The following COL13A1 variants were observed in gnomAD, a reference collection of about 807,000 sequenced individuals.
COL13A1 encodes the protein collagen alpha-1(XIII) chain.
COL13A1 carries 89 observed loss-of-function variants against 130.9 expected under a neutral mutation model. The observed-to-expected ratio is 0.68, with a 90% confidence interval of 0.57 to 0.81. The LOEUF (loss-of-function observed/expected upper bound fraction) is 0.81, where lower values mean the gene tolerates loss of function less well. COL13A1 is among the 30% of genes least tolerant of loss of function. COL13A1 has a pLI of 0.00. For synonymous variants in COL13A1, 402 were observed against 341.6 expected (o/e 1.18, Z -1.95); for missense variants, 879 against 934.6 (o/e 0.94, Z 0.78).
chr10:69,896,321 G>A (rs1265095356), intron 13 of COL13A1, among the ~76,000 whole-genome samples: 1 of 152,142 alleles, frequency 6.6e-6, no homozygotes. Flanking sequence ...CAGCAGGGTC[G>A]ATCTTGGGAC....
At chr10:69,907,261 G>T (rs1589435690) in intron 17 of COL13A1, among the ~76,000 whole-genome samples, 1 of 152,264 alleles carries the variant, frequency 6.6e-6, no homozygotes, top group Non-Finnish European at 1.5e-5. Context: ...CTGTGAGGCT[G>T]GTATGACTAT....
At chr10:69,883,494 G>A (rs925698067) in intron 7 of COL13A1, among the ~76,000 whole-genome samples, 4 of 152,196 alleles carry the variant, frequency 2.6e-5, no homozygotes, top group Non-Finnish European at 5.9e-5. Context: ...TAGGTGCTGC[G>A]TAGAAACCTG....
At position 69,817,196 on chromosome 10, in the gene COL13A1, G is replaced by A. The variant is rs139267468; in HGVS notation, c.295-5173G>A. Reference sequence around the variant, plus strand: ...ATATTTATGTTTGCCGGCCCCTGATGTAAATGATCCAATCTAGAGGAGGGG... The same window carrying A: ...ATATTTATGTTTGCCGGCCCCTGATATAAATGATCCAATCTAGAGGAGGGG... On this transcript the variant is annotated intron_variant, in intron 1 of 40. Transcript: ENST00000645393. Among the ~76,000 whole-genome samples, 861 of 152,166 alleles carry A rather than the reference G, an allele frequency of 5.7e-3. 12 individuals are homozygous for A. Among genetic ancestry groups the A allele is most frequent in the African/African-American group, 0.02 (848 of 41,508 alleles).
chr10:69,810,295 C>T (rs997141096), intron 1 of COL13A1, among the ~76,000 whole-genome samples: 1 of 151,028 alleles, frequency 6.6e-6, no homozygotes, highest in Non-Finnish European at 1.5e-5. Context: ...AAGTGTCTAA[C>T]GAGCTCCTCG....
At chr10:69,878,485 T>G (rs2134253071) in intron 6 of COL13A1, among the ~76,000 whole-genome samples, 1 of 147,734 alleles carries the variant, frequency 6.8e-6, no homozygotes, top group East Asian at 2.1e-4. Context: ...AGAGCAACAC[T>G]TCTTTTTTTT....
intron 38 of COL13A1, among the ~76,000 whole-genome samples, chr10:69,950,845 T>TTTTG (rs763368223): frequency 4.6e-4 from 70 of 152,212 alleles, no homozygotes; most frequent in South Asian, 8.3e-4. Flanking sequence ...AAAAATATTA[T>TTTTG]TTTGTTTGTT....
chr10:69,814,078 C>G (rs1450878194), intron 1 of COL13A1, among the ~76,000 whole-genome samples: 1 of 152,252 alleles, frequency 6.6e-6, no homozygotes, highest in Non-Finnish European at 1.5e-5. Context: ...GGGCAGCCAG[C>G]CCAGCAGCAG....
intron 25 of COL13A1, 79 bp downstream of exon 25, chr10:69,925,086 A>C (rs1306652693): frequency 7.3e-7 from 1 of 1,378,862 alleles, no homozygotes; most frequent in African/African-American, 1.5e-5. Context: ...GTCTCAATTA[A>C]TATTTAGAAG....
chr10:69,942,566 T>C (rs1005464540), intron 35 of COL13A1, among the ~76,000 whole-genome samples: 1 of 151,746 alleles, frequency 6.6e-6, no homozygotes, highest in Non-Finnish European at 1.5e-5. Context: ...AAAATCAGTA[T>C]CCTAACTTTA....
At chr10:69,826,983 T>C (rs1847654983) in intron 2 of COL13A1, among the ~76,000 whole-genome samples, 1 of 152,234 alleles carries the variant, frequency 6.6e-6, no homozygotes, top group Admixed American at 6.5e-5. Flanking sequence ...CTTAGTCACG[T>C]GGTTACCCCC....
At chr10:69,837,900 C>A (rs1193611432) in intron 2 of COL13A1, among the ~76,000 whole-genome samples, 1 of 152,210 alleles carries the variant, frequency 6.6e-6, no homozygotes, top group East Asian at 1.9e-4. Context: ...GCTGGATGTT[C>A]CTCAGAGCAT....
chr10:69,920,079 G>A (rs1366683502), intron 21 of COL13A1, among the ~76,000 whole-genome samples: 1 of 152,194 alleles, frequency 6.6e-6, no homozygotes, highest in African/African-American at 2.4e-5. Context: ...GGCAGGACAG[G>A]GCAGCAGGGG....
At chr10:69,852,499 T>C (rs1490673015) in intron 2 of COL13A1, among the ~76,000 whole-genome samples, 1 of 152,272 alleles carries the variant, frequency 6.6e-6, no homozygotes, top group Non-Finnish European at 1.5e-5. Context: ...TGCTAGAAGA[T>C]GTCTTTTCTA....
In COL13A1 at chr10:69,921,919, G is replaced by C. The variant is rs1488606045; in HGVS notation, c.1127G>C (p.Gly376Ala). The C allele has an allele frequency of 6.2e-7, 1 of 1,606,078 alleles. No individual in the cohort carries two copies. The highest frequency in any genetic ancestry group is 1.3e-5 in the African/African-American group (1 of 74,786). Reference protein sequence around the residue: ...KGAEGSPGLPGLLGQKGEKGD... With the variant: ...KGAEGSPGLPALLGQKGEKGD... ...GCTGAAGGCTCCCCTGGGCTTCCTG[G>C]CCTCCTGGGGCAGAAGGTAGGTGTT... Residue 376 changes from glycine to alanine, a missense_variant, in exon 22 of 41, where the codon GGC becomes GCC. Physicochemically the swap from Gly to Ala is moderately conservative, Grantham distance 60 (BLOSUM62 0). Coordinates refer to ENST00000645393, the MANE Select transcript of COL13A1 (RefSeq NM_001368882.1).
intron 14 of COL13A1, among the ~76,000 whole-genome samples, 182 bp downstream of exon 14, chr10:69,898,944 C>T (rs1436767547): frequency 6.6e-6 from 1 of 152,224 alleles, no homozygotes; most frequent in Non-Finnish European, 1.5e-5. Context: ...AGACCCACAA[C>T]TACCACCACA....
At chr10:69,861,556 C>T (rs999746406) in intron 2 of COL13A1, among the ~76,000 whole-genome samples, 2 of 152,140 alleles carry the variant, frequency 1.3e-5, no homozygotes, top group African/African-American at 4.8e-5. Context: ...TCTCCACCTC[C>T]GTCTCTGCCA....
At chr10:69,919,634 T>C (rs956875342) in intron 20 of COL13A1, 31 bp from the exon 21 acceptor site, 8 of 398,664 alleles carry the variant, frequency 2.0e-5, no homozygotes, top group Non-Finnish European at 3.5e-5. Flanking sequence ...CCCCATCTTC[T>C]TATCAGTGAC....
At chr10:69,933,476 G>A (rs1020352559) in intron 31 of COL13A1, among the ~76,000 whole-genome samples, 1 of 152,176 alleles carries the variant, frequency 6.6e-6, no homozygotes. Context: ...GGAAAGCAAC[G>A]GAGATCAAGG....
intron 17 of COL13A1, among the ~76,000 whole-genome samples, chr10:69,909,068 G>A (rs1022778242): frequency 1.3e-5 from 2 of 152,066 alleles, no homozygotes; most frequent in Non-Finnish European, 2.9e-5. Context: ...TTCCAGCTCA[G>A]GGAAGTCATA....
Sources: allele counts gnomAD v4.1 joint callset (sites outside exome capture counted in the v4.1 genomes callset), GRCh38; gene constraint gnomAD v4.1.1; transcripts MANE v1.5; gene names NCBI Gene and HGNC (gene_info 2026-07-23, HGNC 2026-07-21).